TXNDC16: variants seen among roughly 807,000 people sequenced by gnomAD.
TXNDC16 encodes thioredoxin domain containing 16.
In TXNDC16, 74 loss-of-function variants were observed where a neutral mutation model predicts 85.6. The ratio of observed to expected loss-of-function variants is 0.86; its 90% CI spans 0.72 to 1.05. TXNDC16 has a LOEUF of 1.05. TXNDC16 is among the 50% of genes least tolerant of loss of function. The pLI is 0.00. For synonymous variants in TXNDC16, 335 were observed against 326.5 expected (o/e 1.03, Z -0.28); for missense variants, 959 against 947.0 (o/e 1.01, Z -0.17).
chr14:52,532,513 T>C (rs920425875), intron 6 of TXNDC16, among the ~76,000 whole-genome samples: 1 of 152,072 alleles, frequency 6.6e-6, no homozygotes, highest in Non-Finnish European at 1.5e-5. Flanking sequence ...CTCAGCTCAC[T>C]GCAAGCTCCA....
chr14:52,506,348 C>A (rs2036799789), intron 9 of TXNDC16, among the ~76,000 whole-genome samples: 3 of 152,194 alleles, frequency 2.0e-5, no homozygotes, highest in Admixed American at 2.0e-4. Context: ...AAACCAAATC[C>A]AGCAGCACAT....
intron 6 of TXNDC16, among the ~76,000 whole-genome samples, chr14:52,522,388 C>T (rs977105899): frequency 1.3e-5 from 2 of 152,142 alleles, no homozygotes; most frequent in African/African-American, 4.8e-5. Context: ...TCTAAGTCTT[C>T]AAGGTAGGCA....
At chr14:52,495,259 G>A (rs938208420) in intron 9 of TXNDC16, among the ~76,000 whole-genome samples, 2 of 152,138 alleles carry the variant, frequency 1.3e-5, no homozygotes, top group African/African-American at 4.8e-5. Flanking sequence ...ATAAGCTGTT[G>A]CTGACTATTA....
chr14:52,495,511 A>T (rs1039452184), intron 9 of TXNDC16, among the ~76,000 whole-genome samples: 2 of 152,226 alleles, frequency 1.3e-5, no homozygotes, highest in African/African-American at 4.8e-5. Context: ...GTTCAGGTAG[A>T]GAAGTCAGAC....
chr14:52,458,867 C>A (rs1037725), intron 16 of TXNDC16, among the ~76,000 whole-genome samples: 2 of 152,136 alleles, frequency 1.3e-5, no homozygotes, highest in African/African-American at 4.8e-5. Context: ...AAAGTCTCTT[C>A]GTAAATCCAT....
At chr14:52,535,591 T>C (rs1023217028) in intron 6 of TXNDC16, among the ~76,000 whole-genome samples, 1 of 152,138 alleles carries the variant, frequency 6.6e-6, no homozygotes, top group Non-Finnish European at 1.5e-5. Context: ...GAAAAGTCCA[T>C]GTAAACCTGT....
chr14:52,450,487 G>A (rs1477195086), intron 18 of TXNDC16, among the ~76,000 whole-genome samples: 1 of 148,370 alleles, frequency 6.7e-6, no homozygotes, highest in African/African-American at 2.5e-5. Flanking sequence ...GGACCCAATG[G>A]CTTCACTGCT....
intron 9 of TXNDC16, among the ~76,000 whole-genome samples, chr14:52,492,625 C>T (rs2036434608): frequency 6.6e-6 from 1 of 152,198 alleles, no homozygotes; most frequent in African/African-American, 2.4e-5. Context: ...TCCATCTGAG[C>T]ACTGCTTGGC....
chr14:52,540,503 T>A (rs2037805377), intron 4 of TXNDC16, among the ~76,000 whole-genome samples: 1 of 152,060 alleles, frequency 6.6e-6, no homozygotes, highest in African/African-American at 2.4e-5. Flanking sequence ...CATGCGCCTG[T>A]AGTCCCAGCT....
At chr14:52,522,776 C>A (rs1049030542) in intron 6 of TXNDC16, among the ~76,000 whole-genome samples, 6 of 152,164 alleles carry the variant, frequency 3.9e-5, no homozygotes, top group Non-Finnish European at 8.8e-5. Context: ...ACTCCAAATC[C>A]TTTTCTGCTT....
chr14:52,437,298 A>C (rs2140099222), intron 20 of TXNDC16, among the ~76,000 whole-genome samples: 1 of 152,292 alleles, frequency 6.6e-6, no homozygotes, highest in East Asian at 1.9e-4. Context: ...ATATACAGAA[A>C]ACGCCTAAAG....
At chr14:52,527,391 C>T (rs1221851941) in intron 6 of TXNDC16, among the ~76,000 whole-genome samples, 1 of 152,168 alleles carries the variant, frequency 6.6e-6, no homozygotes, top group Non-Finnish European at 1.5e-5. Flanking sequence ...CATCTGGTCA[C>T]AGAAGTATTC....
intron 12 of TXNDC16, 128 bp downstream of exon 12, chr14:52,488,235 T>C (rs2036314303): frequency 3.5e-6 from 4 of 1,151,574 alleles, no homozygotes; most frequent in Non-Finnish European, 5.0e-6. Context: ...CCAAATAAAT[T>C]CCGCCAGGTT....
intron 20 of TXNDC16, among the ~76,000 whole-genome samples, chr14:52,436,222 A>T (rs1030070495): frequency 6.6e-6 from 1 of 152,204 alleles, no homozygotes; most frequent in Non-Finnish European, 1.5e-5. Context: ...CTTGCAGTGG[A>T]ATATTATTCA....
intron 14 of TXNDC16, 38 bp from the exon 15 acceptor site, chr14:52,470,718 T>C: frequency 6.4e-7 from 1 of 1,552,058 alleles, no homozygotes; most frequent in Non-Finnish European, 8.7e-7. Context: ...AATTACTAAT[T>C]GTAGAAAATG....
Position 52,542,375 on chromosome 14 carries a change from G to A in TXNDC16, c.239C>T (p.Ala80Val). ...GTAACATAAATATCTTTCTACCTTG[G>A]CAACTGAAATTCCATAGTCCTGCAG... is the stretch of plus-strand genomic sequence containing the variant. Reference protein sequence around the residue: ...RPLQDYGISVAKVNCVKEEIS... With the variant: ...RPLQDYGISVVKVNCVKEEIS... Residue 80 changes from alanine to valine, a missense_variant, in exon 4 of 21, where the codon GCC (alanine) becomes GTC (valine). By Grantham distance (64) the Ala-to-Val change is moderately conservative. Transcript: ENST00000281741. 1 of 1,600,582 alleles carries A rather than the reference G, an allele frequency of 6.2e-7. No homozygotes were observed. The highest frequency in any genetic ancestry group is 1.1e-5 in the South Asian group (1 of 88,974).
chr14:52,548,503 C>T (rs1025976754), intron 1 of TXNDC16, among the ~76,000 whole-genome samples: 2 of 152,188 alleles, frequency 1.3e-5, no homozygotes, highest in Non-Finnish European at 2.9e-5. Flanking sequence ...CGCCAACAAC[C>T]TGCCTTCATG....
chr14:52,432,696 T>G, intron 20 of TXNDC16, 109 bp from the exon 21 acceptor site: 3 of 1,113,988 alleles, frequency 2.7e-6, no homozygotes, highest in Non-Finnish European at 3.6e-6. Context: ...AGTGAAAGTT[T>G]TATTAGTTTT....
chr14:52,543,715 C>T (rs891453846), intron 2 of TXNDC16, 85 bp from the exon 3 acceptor site: 28 of 770,188 alleles, frequency 3.6e-5, no homozygotes, highest in Non-Finnish European at 5.5e-5. Context: ...AAAAGAAAGT[C>T]ATTAGTCACA....
Sources: gnomAD v4.1 joint callset for allele counts (sites outside exome capture counted in the v4.1 genomes callset) on GRCh38, gnomAD v4.1.1 for gene constraint, MANE v1.5 for transcripts, NCBI Gene and HGNC (gene_info 2026-07-23, HGNC 2026-07-21) for gene names.